Variants in SPAG16 observed in about 807,000 individuals in gnomAD.
SPAG16 encodes sperm associated antigen 16, also known as sperm-associated antigen 16 protein.
A neutral mutation model predicts 80.4 loss-of-function variants in SPAG16; 86 were observed. That is an observed-to-expected ratio of 1.07 (90% CI 0.90 to 1.28). SPAG16 has a LOEUF of 1.28. Among genes scored for constraint, SPAG16 ranks in the 50% most tolerant of loss-of-function variants. The pLI is 0.00. For missense variants in SPAG16, 870 were observed against 765.3 expected (o/e 1.14, Z -1.61); for synonymous variants, 294 against 265.9 (o/e 1.11, Z -1.03).
intron 10 of SPAG16, among the ~76,000 whole-genome samples, chr2:213,861,364 G>A (rs912279765): frequency 1.2e-4 from 18 of 152,196 alleles, no homozygotes; most frequent in Admixed American, 8.5e-4. Flanking sequence ...CCATGTTGGT[G>A]TGGACTAGAG....
intron 10 of SPAG16, among the ~76,000 whole-genome samples, chr2:213,723,485 G>C (rs528027792): frequency 6.6e-6 from 1 of 152,268 alleles, no homozygotes; most frequent in South Asian, 2.1e-4. Context: ...TTACCACAAA[G>C]GATCAAATTG....
At chr2:213,751,305 A>G (rs2125487952) in intron 10 of SPAG16, among the ~76,000 whole-genome samples, 1 of 152,250 alleles carries the variant, frequency 6.6e-6, no homozygotes, top group East Asian at 1.9e-4. Flanking sequence ...AATATAGCCC[A>G]CTTGTTCCTC....
intron 10 of SPAG16, among the ~76,000 whole-genome samples, chr2:213,812,546 G>A (rs1449017416): frequency 6.6e-6 from 1 of 152,194 alleles, no homozygotes; most frequent in Non-Finnish European, 1.5e-5. Context: ...GCAGATGTAT[G>A]TTTATTTGTG....
intron 10 of SPAG16, among the ~76,000 whole-genome samples, chr2:213,590,749 C>G (rs537212701): frequency 9.5e-4 from 145 of 152,244 alleles, no homozygotes; most frequent in Admixed American, 1.7e-3. Context: ...GGAGATTTCT[C>G]AAAGTACTAA....
chr2:213,853,042 G>A (rs899322400), intron 10 of SPAG16, among the ~76,000 whole-genome samples: 9 of 152,194 alleles, frequency 5.9e-5, no homozygotes, highest in Admixed American at 5.9e-4. Context: ...TTAAGGACAG[G>A]TAGGTAAGTG....
chr2:213,484,679 T>A (rs2073899380), intron 9 of SPAG16, among the ~76,000 whole-genome samples: 1 of 152,192 alleles, frequency 6.6e-6, no homozygotes, highest in Non-Finnish European at 1.5e-5. Context: ...TAAAAATTAA[T>A]TTAAATGGTC....
At chr2:213,608,099 G>A (rs1448010182) in intron 10 of SPAG16, among the ~76,000 whole-genome samples, 1 of 152,038 alleles carries the variant, frequency 6.6e-6, no homozygotes, top group African/African-American at 2.4e-5. Context: ...TTTTTTCTGA[G>A]TGTGTGTGTG....
intron 5 of SPAG16, 35 bp from the exon 6 acceptor site, chr2:213,340,128 A>T (rs1271628576): frequency 7.1e-6 from 10 of 1,407,120 alleles, no homozygotes; most frequent in Non-Finnish European, 1.0e-5. Flanking sequence ...AAAAAGAATT[A>T]GCAGTGATTT....
intron 10 of SPAG16, among the ~76,000 whole-genome samples, chr2:213,719,066 A>G (rs1404257959): frequency 1.3e-5 from 2 of 152,020 alleles, no homozygotes; most frequent in African/African-American, 4.8e-5. Flanking sequence ...GACACTCGGT[A>G]TCTAGCTGCT....
intron 12 of SPAG16, among the ~76,000 whole-genome samples, chr2:213,973,511 G>T (rs2045196385): frequency 6.6e-6 from 1 of 152,088 alleles, no homozygotes; most frequent in Non-Finnish European, 1.5e-5. Flanking sequence ...TCCAGAACCA[G>T]AGGCCAGGGT....
rs573494214 is a variant in SPAG16, at chr2:214,074,881, A to C, written c.1528-33315A>C. Among the ~76,000 whole-genome samples, 4 of 152,288 alleles carry C rather than the reference A, an allele frequency of 2.6e-5. No individual in the cohort carries two copies. The South Asian group carries it at 8.3e-4, about 32-fold the overall frequency. On this transcript the variant is annotated intron_variant, in intron 13 of 15. Coordinates refer to ENST00000331683, the MANE Select transcript of SPAG16 (RefSeq NM_024532.5). ...AATGCCCCAAAGTAAAACAGCAGATAACGCAAACTGTTAGCAAGGATGCAG... is the reference window on the plus strand; with the variant it reads ...AATGCCCCAAAGTAAAACAGCAGATCACGCAAACTGTTAGCAAGGATGCAG...
intron 10 of SPAG16, among the ~76,000 whole-genome samples, chr2:213,654,540 CAAAAAAAAAAAA>C (rs36009811): frequency 7.1e-5 from 4 of 56,734 alleles, no homozygotes; most frequent in Non-Finnish European, 1.0e-4. Flanking sequence ...ACTAAAAATA[CAAAAAAAAAAAA>C]AAAAAAAAAA....
intron 10 of SPAG16, among the ~76,000 whole-genome samples, chr2:213,742,181 G>A (rs112508147): frequency 0.024 from 3,662 of 151,154 alleles, 150 homozygotes; most frequent in African/African-American, 0.083. Context: ...TATTACAAAA[G>A]CATTTTCAAT....
chr2:213,952,385 A>G (rs2079835356), intron 12 of SPAG16, among the ~76,000 whole-genome samples: 1 of 152,080 alleles, frequency 6.6e-6, no homozygotes, highest in Admixed American at 6.5e-5. Context: ...GTAACCATTC[A>G]TAGAATGCTA....
intron 13 of SPAG16, among the ~76,000 whole-genome samples, chr2:214,028,130 G>A (rs1315406315): frequency 6.6e-6 from 1 of 151,696 alleles, no homozygotes; most frequent in Non-Finnish European, 1.5e-5. Context: ...ACTTTACTTG[G>A]GTCCCCAATT....
chr2:213,551,547 C>G (rs1211843568), intron 10 of SPAG16, among the ~76,000 whole-genome samples: 1 of 152,164 alleles, frequency 6.6e-6, no homozygotes, highest in African/African-American at 2.4e-5. Context: ...CTTCTGTCAT[C>G]TCATAATTCT....
chr2:213,899,681 T>A (rs2077139276), intron 11 of SPAG16, among the ~76,000 whole-genome samples: 1 of 152,116 alleles, frequency 6.6e-6, no homozygotes, highest in Non-Finnish European at 1.5e-5. Flanking sequence ...ACAGAGGCAC[T>A]ATTGCTTCCA....
chr2:213,464,397 T>C (rs1039709851), intron 9 of SPAG16, among the ~76,000 whole-genome samples: 21 of 152,196 alleles, frequency 1.4e-4, no homozygotes, highest in Non-Finnish European at 2.5e-4. Context: ...TGGTACTGTA[T>C]ACCTAGTGCC....
At chr2:213,989,331 G>T (rs1381371360) in intron 12 of SPAG16, among the ~76,000 whole-genome samples, 1 of 152,012 alleles carries the variant, frequency 6.6e-6, no homozygotes, top group Non-Finnish European at 1.5e-5. Flanking sequence ...TATCCCCATT[G>T]TCTGCCATAC....
Sources: gnomAD v4.1 joint callset for allele counts (sites outside exome capture counted in the v4.1 genomes callset) on GRCh38, gnomAD v4.1.1 for gene constraint, MANE v1.5 for transcripts, NCBI Gene and HGNC (gene_info 2026-07-23, HGNC 2026-07-21) for gene names.